Variants in TPD52L2 observed in about 807,000 individuals in gnomAD.
TPD52L2 encodes tumor protein D54.
TPD52L2 carries 19 observed loss-of-function variants against 24.7 expected under a neutral mutation model. The ratio of observed to expected loss-of-function variants is 0.77; its 90% CI spans 0.54 to 1.13. TPD52L2 has a LOEUF of 1.13. TPD52L2 is among the 50% of genes most tolerant of loss of function. TPD52L2 has a pLI of 0.00. For synonymous variants in TPD52L2, 104 were observed against 100.2 expected, an observed-to-expected ratio of 1.04 and a Z score of -0.23; for missense variants, 236 against 250.4, an observed-to-expected ratio of 0.94 and a Z score of 0.39.
At chr20:63,875,654 C>T (rs2052644406) in intron 3 of TPD52L2, among the ~76,000 whole-genome samples, 162 bp from the exon 4 acceptor site, 1 of 152,238 alleles carries the variant, frequency 6.6e-6, no homozygotes, top group Non-Finnish European at 1.5e-5. Context: ...GGGGCCTGCA[C>T]AGGGCCTGGT....
intron 5 of TPD52L2, among the ~76,000 whole-genome samples, chr20:63,886,449 C>T (rs563724735): frequency 3.3e-5 from 5 of 151,464 alleles, no homozygotes; most frequent in South Asian, 2.1e-4. Flanking sequence ...CAAGCTCCGC[C>T]TCCCGGGTTC....
At chr20:63,876,799 C>T (rs1244999258) in intron 4 of TPD52L2, 3 of 455,546 alleles carry the variant, frequency 6.6e-6, no homozygotes, top group Non-Finnish European at 8.8e-6. Context: ...GGGCGGTTCT[C>T]GGCATGTTGC....
At chr20:63,869,500 G>A (rs1344898703) in intron 2 of TPD52L2, 59 bp downstream of exon 2, 1 of 1,601,730 alleles carries the variant, frequency 6.2e-7, no homozygotes, top group African/African-American at 1.3e-5. Flanking sequence ...TCTTGGATTA[G>A]TGAGAGGCCA....
intron 5 of TPD52L2, among the ~76,000 whole-genome samples, chr20:63,886,573 TC>T: frequency 6.6e-6 from 1 of 151,546 alleles, no homozygotes; most frequent in Non-Finnish European, 1.5e-5. Context: ...GTGGTCTCGA[TC>T]TCCCGACCTC....
Position 63,877,256 on chromosome 20 carries a change from A to T in TPD52L2, c.374+1381A>T. The T allele has an allele frequency of 9.9e-6, 3 of 302,378 alleles. No individual in the cohort carries two copies. The highest frequency in any genetic ancestry group is 1.9e-5 in the Non-Finnish European group (3 of 157,394). 18.7% of individuals were successfully genotyped at this position (302,378 alleles called of 1,614,324 possible). A position where few individuals can be genotyped will look rare whatever the true frequency, so the allele number is the denominator to read the frequency against. On this transcript the variant is annotated intron_variant, in intron 4 of 6. Coordinates refer to ENST00000346249, the MANE Select transcript of TPD52L2 (RefSeq NM_003288.4). This position sits in a 1 kb window ranked among gnomAD's most constrained non-coding sequence, Gnocchi z 4.1. Reference sequence around the variant, plus strand: ...CAGCCAGGATGGTCTCAATCTCCTGACCTCGTGATCCGCCTGCCTCAGCCT... The same window carrying T: ...CAGCCAGGATGGTCTCAATCTCCTGTCCTCGTGATCCGCCTGCCTCAGCCT...
rs780139052 is a variant in TPD52L2, at chr20:63,865,323, G to T, written c.-43G>T. On this transcript the variant is annotated 5_prime_UTR_variant, in exon 1 of 7. Transcript: ENST00000346249. ...AGCTTCTCCCGGCGCCGCCCGCTCG[G>T]CTCCCATAGCGCCCGCGACAGCGGT... 5.3e-6 allele frequency: 8 copies of T among 1,511,778 alleles called. No homozygotes were observed. In the African/African-American group the frequency reaches 1.1e-4, roughly 21 times the overall value. 93.6% of individuals were successfully genotyped at this position (1,511,778 alleles called of 1,614,324 possible).
intron 1 of TPD52L2, 108 bp downstream of exon 1, chr20:63,865,492 C>G: frequency 1.4e-6 from 2 of 1,396,606 alleles, no homozygotes; most frequent in Non-Finnish European, 1.9e-6. Flanking sequence ...TCTCGGTTCA[C>G]CCACCCCGCG....
chr20:63,885,961 C>A, intron 5 of TPD52L2: 1 of 1,602,266 alleles, frequency 6.2e-7, no homozygotes, highest in Non-Finnish European at 8.6e-7. Flanking sequence ...TGAGTGGGTG[C>A]TGGCCTCCCT....
At chr20:63,873,900 T>C (rs1390951885) in intron 3 of TPD52L2, 84 bp downstream of exon 3, 13 of 1,384,848 alleles carry the variant, frequency 9.4e-6, no homozygotes, top group Non-Finnish European at 1.2e-5. Context: ...GGCGTCGTCA[T>C]GCCCAGGGAC....
Position 63,887,910 on chromosome 20 carries a change from C to G in TPD52L2, c.477-1280C>G, listed in dbSNP as rs769820960. On this transcript the variant is annotated intron_variant, in intron 5 of 6. Transcript: ENST00000346249. The stretch of plus-strand genomic sequence containing the variant: ...TGGGTGGGGTGGGGTTCGAGGGGCT[C>G]GCACACAGATCCTGGCACTTGCCCT... The G allele has an allele frequency of 8.2e-4, 394 of 481,802 alleles. 1 individual carries two copies. The highest frequency in any genetic ancestry group is 1.3e-3 in the Non-Finnish European group (352 of 267,258). The allele number at this position is 481,802 out of a possible 1,614,324, so 29.8% of individuals were successfully genotyped here. A position where few individuals can be genotyped will look rare whatever the true frequency, so the allele number is the denominator to read the frequency against.
chr20:63,891,371 A>G lies in TPD52L2; in HGVS notation c.*1426A>G, dbSNP rs1405415423. 6.6e-6 allele frequency: 1 copy of G among 152,520 alleles called. No homozygotes were observed. Among genetic ancestry groups the G allele is most frequent in the Non-Finnish European group, 1.5e-5 (1 of 68,128 alleles). The allele number at this position is 152,520 out of a possible 1,614,324, so 9.4% of individuals were successfully genotyped here. On this transcript the variant is annotated 3_prime_UTR_variant, in exon 7 of 7. Transcript: ENST00000346249. This position sits in a 1 kb window ranked among gnomAD's most constrained non-coding sequence, Gnocchi z 4.7. ...GGATGGCACTCCACACACGACAGAG[A>G]TGCAGGGGCCAGGGAAGCCCAGCGC...
chr20:63,881,701 C>T (rs1403996927), intron 4 of TPD52L2, among the ~76,000 whole-genome samples: 1 of 152,246 alleles, frequency 6.6e-6, no homozygotes, highest in Admixed American at 6.5e-5. Flanking sequence ...CTGGTAACGC[C>T]AAGATGGTCC....
chr20:63,868,630 T>G (rs1166203611), intron 1 of TPD52L2, among the ~76,000 whole-genome samples: 1 of 152,184 alleles, frequency 6.6e-6, no homozygotes, highest in Non-Finnish European at 1.5e-5. Context: ...TTAACCATAT[T>G]AGGTTCCTTT....
chr20:63,886,692 T>G (rs369884190), intron 5 of TPD52L2, among the ~76,000 whole-genome samples: 17 of 149,864 alleles, frequency 1.1e-4, no homozygotes, highest in African/African-American at 4.2e-4. Flanking sequence ...ATCACCAGGC[T>G]GGAGCACAGT....
At chr20:63,865,811 G>T (rs1398117768) in intron 1 of TPD52L2, among the ~76,000 whole-genome samples, 1 of 152,232 alleles carries the variant, frequency 6.6e-6, no homozygotes, top group Non-Finnish European at 1.5e-5. Flanking sequence ...GAGGTGTTGA[G>T]GGCGGCTCCC....
intron 5 of TPD52L2, among the ~76,000 whole-genome samples, chr20:63,883,254 A>C (rs535601608): frequency 2.6e-5 from 4 of 152,274 alleles, no homozygotes; most frequent in African/African-American, 4.8e-5. Flanking sequence ...GTGCAGTCAG[A>C]CGCCAGGAGG....
intron 4 of TPD52L2, among the ~76,000 whole-genome samples, chr20:63,879,791 C>G (rs1220248485): frequency 2.4e-5 from 3 of 124,678 alleles, no homozygotes; most frequent in African/African-American, 9.4e-5. Context: ...GGCACAAATG[C>G]AGGTGCAGCT....
At chr20:63,882,682 C>A in intron 4 of TPD52L2, 37 bp from the exon 5 acceptor site, 1 of 1,554,870 alleles carries the variant, frequency 6.4e-7, no homozygotes. Context: ...GTGACCCGCC[C>A]ATGCTGTCTG....
intron 1 of TPD52L2, among the ~76,000 whole-genome samples, chr20:63,865,780 G>C (rs539220591): frequency 2.6e-5 from 4 of 152,344 alleles, no homozygotes; most frequent in South Asian, 2.1e-4. Flanking sequence ...GGTTCACGCT[G>C]TCTGGCCCTG....
Sources: gnomAD v4.1 joint callset for allele counts (sites outside exome capture counted in the v4.1 genomes callset) on GRCh38, gnomAD v4.1.1 for gene constraint, Gnocchi (gnomAD v3.1) non-coding constraint, MANE v1.5 for transcripts, NCBI Gene and HGNC (gene_info 2026-07-23, HGNC 2026-07-21) for gene names.